The following SLC7A7 variants were observed in gnomAD, a reference collection of about 807,000 sequenced individuals.
SLC7A7 encodes solute carrier family 7 member 7.
In SLC7A7, 39 loss-of-function variants were observed where a neutral mutation model predicts 47.9. The observed-to-expected ratio is 0.81, with a 90% confidence interval of 0.63 to 1.06. The LOEUF (loss-of-function observed/expected upper bound fraction) is 1.06, where lower values mean the gene tolerates loss of function less well. SLC7A7 is among the 50% of genes least tolerant of loss of function. The pLI, the probability that SLC7A7 is intolerant of heterozygous loss-of-function variation, is 0.00. For missense variants in SLC7A7, 588 were observed against 632.0 expected, an observed-to-expected ratio of 0.93 and a Z score of 0.75; for synonymous variants, 234 against 242.8, an observed-to-expected ratio of 0.96 and a Z score of 0.34.
chr14:22,791,975 C>G (rs562856560), intron 2 of SLC7A7, among the ~76,000 whole-genome samples: 1 of 151,952 alleles, frequency 6.6e-6, no homozygotes, highest in Non-Finnish European at 1.5e-5. Context: ...GCTGGGACTA[C>G]GGGCGTCCGC....
rs992387662 is a variant in SLC7A7 at position 22,786,929 on chromosome 14, C to T, written c.500-6878G>A. On this transcript the variant is annotated intron_variant, in intron 2 of 9. Transcript: ENST00000674313. The stretch of plus-strand genomic sequence containing the variant: ...GCAGCCTGGGCAACACAGTAAGATC[C>T]TTTCTCCAAAACAAAAAAAGTGATT... Among the ~76,000 whole-genome samples the T allele has an allele frequency of 3.9e-5, 6 of 152,116 alleles. 1 individual carries two copies. Among genetic ancestry groups the T allele is most frequent in the Non-Finnish European group, 1.5e-5 (1 of 68,016 alleles).
At chr14:22,788,771 A>C (rs1349578260) in intron 2 of SLC7A7, among the ~76,000 whole-genome samples, 1 of 152,112 alleles carries the variant, frequency 6.6e-6, no homozygotes, top group South Asian at 2.1e-4. Flanking sequence ...TCTCAAACAT[A>C]ATAAGCAAGC....
intron 2 of SLC7A7, among the ~76,000 whole-genome samples, chr14:22,808,359 C>G (rs566716799): frequency 6.6e-6 from 1 of 152,296 alleles, no homozygotes; most frequent in African/African-American, 2.4e-5. Context: ...ATAGCATGCC[C>G]TAATTAAATT....
intron 2 of SLC7A7, among the ~76,000 whole-genome samples, chr14:22,796,842 T>C (rs2039029777): frequency 6.6e-6 from 1 of 152,180 alleles, no homozygotes; most frequent in Admixed American, 6.6e-5. Flanking sequence ...GTTCCACCTC[T>C]CTTGCAAAAC....
At chr14:22,788,107 A>G (rs12436190) in intron 2 of SLC7A7, among the ~76,000 whole-genome samples, 46,671 of 152,074 alleles carry the variant, frequency 0.31, 7,898 homozygotes, top group East Asian at 0.6. Flanking sequence ...ACTAAGATCA[A>G]CAGAGCTGTA....
chr14:22,795,072 CTTTCTTTT>C (rs1272660908), intron 2 of SLC7A7, among the ~76,000 whole-genome samples: 1 of 125,362 alleles, frequency 8.0e-6, no homozygotes, highest in Non-Finnish European at 1.6e-5. Context: ...TGTTTTCTTT[CTTTCTTTT>C]TTTTTTTTTT....
At chr14:22,774,265 G>T (rs1415867075) in intron 8 of SLC7A7, 89 bp downstream of exon 8, 1 of 1,606,550 alleles carries the variant, frequency 6.2e-7, no homozygotes, top group Non-Finnish European at 8.5e-7. Context: ...CCAGGCAAAG[G>T]TTTCTAAATA....
At chr14:22,796,541 G>C (rs1314667670) in intron 2 of SLC7A7, among the ~76,000 whole-genome samples, 3 of 152,198 alleles carry the variant, frequency 2.0e-5, no homozygotes, top group Admixed American at 2.0e-4. Context: ...TGTATGACAC[G>C]AAGAATCTTT....
chr14:22,786,539 C>T lies in SLC7A7; in HGVS notation c.500-6488G>A, dbSNP rs554397953. Among the ~76,000 whole-genome samples the T allele has an allele frequency of 9.8e-4, 149 of 152,328 alleles. 1 individual carries two copies. The highest frequency in any genetic ancestry group is 3.0e-3 in the African/African-American group (123 of 41,574). The stretch of plus-strand genomic sequence containing the variant: ...CACAGAAAACTCCAGACCGTGTTGC[C>T]GACTACGGAGTCTCAACCTGAAATC... On this transcript the variant is annotated intron_variant, in intron 2 of 9. Transcript: ENST00000674313.
chr14:22,818,794 A>G (rs1250279623), upstream of SLC7A7, among the ~76,000 whole-genome samples: 4 of 151,800 alleles, frequency 2.6e-5, no homozygotes. Context: ...GGGTTTCACC[A>G]TGTTGTCCAG....
intron 4 of SLC7A7, among the ~76,000 whole-genome samples, chr14:22,776,859 C>T (rs1270254170): frequency 2.0e-5 from 3 of 152,068 alleles, no homozygotes; most frequent in African/African-American, 2.4e-5. Flanking sequence ...GTCCCAGCTA[C>T]TCAGGAGGCT....
At chr14:22,806,470 A>G (rs1420269903) in intron 2 of SLC7A7, among the ~76,000 whole-genome samples, 1 of 151,846 alleles carries the variant, frequency 6.6e-6, no homozygotes, top group African/African-American at 2.4e-5. Flanking sequence ...CATGACACCC[A>G]AAGAAGGCGC....
rs1338602724 is a variant in SLC7A7, at chr14:22,787,929, CG to C, written c.500-7879del. Among the ~76,000 whole-genome samples, 26 of 151,316 alleles carry C rather than the reference CG, an allele frequency of 1.7e-4. 1 individual carries two copies. In the South Asian group the frequency reaches 4.6e-3, roughly 27 times the overall value. On this transcript the variant is annotated intron_variant, in intron 2 of 9. Coordinates refer to ENST00000674313, the MANE Select transcript of SLC7A7 (RefSeq NM_003982.4). ...TCTACTAAAAATACAAAAAGTTAGCCGGGCGTGGTGGCGGGTGCCTGTAGTC... is the reference window on the plus strand; with the variant it reads ...TCTACTAAAAATACAAAAAGTTAGCCGGCGTGGTGGCGGGTGCCTGTAGTC...
chr14:22,815,871 C>T (rs1375383404), upstream of SLC7A7: 2 of 360,782 alleles, frequency 5.5e-6, no homozygotes, highest in South Asian at 2.1e-5. Context: ...CACAGTGTGA[C>T]ACAAAGGCTT....
intron 2 of SLC7A7, among the ~76,000 whole-genome samples, chr14:22,801,801 T>G (rs2039118936): frequency 6.6e-6 from 1 of 152,030 alleles, no homozygotes; most frequent in African/African-American, 2.4e-5. Flanking sequence ...CAAAAATCCC[T>G]GTATTGGGTT....
Sources: gnomAD v4.1 joint callset for allele counts (sites outside exome capture counted in the v4.1 genomes callset) on GRCh38, gnomAD v4.1.1 for gene constraint, MANE v1.5 for transcripts, NCBI Gene and HGNC (gene_info 2026-07-23, HGNC 2026-07-21) for gene names.